Variants in KIAA1614 observed in about 807,000 individuals in gnomAD.
The protein encoded by KIAA1614 is KIAA1614.
In KIAA1614, 76 loss-of-function variants were observed where a neutral mutation model predicts 88.7. The ratio of observed to expected loss-of-function variants is 0.86; its 90% CI spans 0.71 to 1.04. KIAA1614 has a LOEUF of 1.04. Ranked by LOEUF, KIAA1614 falls within the 50% of genes least tolerant of loss-of-function variation. The probability of loss-of-function intolerance (pLI) is 0.00; values close to 1 mark genes in which losing one functional copy is unlikely to be tolerated. For synonymous variants in KIAA1614, 714 were observed against 675.5 expected, an observed-to-expected ratio of 1.06 and a Z score of -0.88; for missense variants, 1,553 against 1,582.5, an observed-to-expected ratio of 0.98 and a Z score of 0.32.
chr1:180,949,896 C>T lies in KIAA1614; in HGVS notation c.*4308C>T, dbSNP rs1481574119. 1 of 152,254 alleles carries T rather than the reference C, an allele frequency of 6.6e-6. No homozygotes were observed. Among genetic ancestry groups the T allele is most frequent in the African/African-American group, 2.4e-5 (1 of 41,442 alleles). 9.4% of individuals were successfully genotyped at this position (152,254 alleles called of 1,614,324 possible). ...CACCACCCCGGCCTTTACGCTGGGC[C>T]TGGGTGACCTGAGGCAGCAACTGGA... On this transcript the variant is annotated 3_prime_UTR_variant, in exon 9 of 9. Transcript: ENST00000367588.
rs767800849 is a variant in KIAA1614 at position 180,945,373 on chromosome 1, G to A, written c.3358G>A (p.Val1120Met). The A allele has an allele frequency of 2.2e-5, 35 of 1,598,672 alleles. No homozygotes were observed. The highest frequency in any genetic ancestry group is 9.0e-5 in the Admixed American group (5 of 55,666). The change falls in exon 9 of 9, where the codon GTG (valine) becomes ATG (methionine). Residue 1120 changes from valine to methionine, a missense_variant. Val to Met is a conservative substitution (Grantham distance 21). Transcript: ENST00000367588. ...GGGTGCTCCCAGCCTGGCTCGCACC[G>A]TGGGCCGCCTGGTGGAGGTGTTCCC... ...DVGAPSLART[V>M]GRLVEVFPDG... is the part of the protein sequence containing the mutation.
intron 1 of KIAA1614, chr1:180,914,084 G>A (rs894428734): frequency 6.6e-6 from 1 of 151,672 alleles, no homozygotes; most frequent in African/African-American, 2.4e-5. Flanking sequence ...TACTTGGTCC[G>A]TGTTACGAAG....
intron 1 of KIAA1614, among the ~76,000 whole-genome samples, chr1:180,915,217 C>A (rs1227353655): frequency 6.6e-6 from 1 of 152,250 alleles, no homozygotes; most frequent in Non-Finnish European, 1.5e-5. Flanking sequence ...TGGTCAAGGT[C>A]TCCCTTTGAG....
rs908767728 is a variant in KIAA1614, at chr1:180,935,436, G to A, written c.1527G>A (p.Gln509=). 2.0e-6 allele frequency: 3 copies of A among 1,479,278 alleles called. No homozygotes were observed. The highest frequency in any genetic ancestry group is 2.7e-6 in the Non-Finnish European group (3 of 1,121,470). The allele number at this position is 1,479,278 out of a possible 1,614,324, so 91.6% of individuals were successfully genotyped here. A position where few individuals can be genotyped will look rare whatever the true frequency, so the allele number is the denominator to read the frequency against. Reference sequence around the variant, plus strand: ...CTCCCCGGCTCCGGGACGCGGGGCAGGGGACATTCCACAGGCTTGTGGGCA... The same window carrying A: ...CTCCCCGGCTCCGGGACGCGGGGCAAGGGACATTCCACAGGCTTGTGGGCA... ...NGAPRLRDAG[Q]GTFHRLVGSL... is the part of the protein sequence containing the mutation. The change falls in exon 5 of 9, where the codon CAG becomes CAA. Residue 509 remains glutamine (Q), a synonymous_variant. Coordinates refer to ENST00000367588, the MANE Select transcript of KIAA1614 (RefSeq NM_020950.2). The surrounding 1 kb of genome is among the most constrained non-coding windows in gnomAD (Gnocchi z 6.1).
intron 6 of KIAA1614, among the ~76,000 whole-genome samples, chr1:180,939,116 G>A (rs1357220047): frequency 1.3e-5 from 2 of 152,204 alleles, no homozygotes; most frequent in African/African-American, 2.4e-5. Context: ...GAGCTGGGGG[G>A]AGAAGGGGGG....
intron 7 of KIAA1614, among the ~76,000 whole-genome samples, chr1:180,943,592 A>G (rs936232660): frequency 1.0e-4 from 11 of 107,474 alleles, no homozygotes; most frequent in Non-Finnish European, 1.9e-4. Flanking sequence ...TCTGTCACTC[A>G]GGTTGGAGTG....
rs770734817 is a variant in KIAA1614 at position 180,916,776 on chromosome 1, G to C, written c.673G>C (p.Gly225Arg). 1 of 1,614,118 alleles carries C rather than the reference G, an allele frequency of 6.2e-7. No individual in the cohort carries two copies. Among genetic ancestry groups the C allele is most frequent in the African/African-American group, 1.3e-5 (1 of 74,950 alleles). ...TACTCCCGGACGGCCTGGGGGTCCT[G>C]GTCATTGTAACAAAATCATCCACAT... is the stretch of plus-strand genomic sequence containing the variant. ...GVTPGRPGGP[G>R]HCNKIIHIPS... The change falls in exon 2 of 9, where the codon GGT becomes CGT. Residue 225 changes from glycine (G) to arginine (R), a missense_variant. Coordinates refer to ENST00000367588, the MANE Select transcript of KIAA1614 (RefSeq NM_020950.2).
In KIAA1614 at chr1:180,936,647, C is replaced by T. The variant is rs746230529; in HGVS notation, c.2738C>T (p.Pro913Leu). The T allele has an allele frequency of 9.0e-6, 14 of 1,558,826 alleles. 1 individual carries two copies. The highest frequency in any genetic ancestry group is 3.8e-5 in the Admixed American group (2 of 52,888). Residue 913 changes from proline to leucine, a missense_variant, in exon 5 of 9, where the codon CCG (proline) becomes CTG (leucine). Pro to Leu is a moderately conservative substitution (Grantham distance 98). Coordinates refer to ENST00000367588, the MANE Select transcript of KIAA1614 (RefSeq NM_020950.2). ...GGCCCCTGCAGCCGGGAACCGGAGC[C>T]GCCCCTGGAGAACAGCAGAGATGGT... ...ERGPCSREPE[P>L]PLENSRDGGP... is the part of the protein sequence containing the mutation.
chr1:180,921,882 C>G (rs554180820), intron 3 of KIAA1614, among the ~76,000 whole-genome samples: 74 of 152,326 alleles, frequency 4.9e-4, no homozygotes, highest in Middle Eastern at 6.8e-3. Flanking sequence ...TCTCTCTGTA[C>G]CAGCTCTGGC....
Position 180,935,418 on chromosome 1 carries a change from G to T in KIAA1614, c.1509G>T (p.Arg503=). 1 of 1,472,498 alleles carries T rather than the reference G, an allele frequency of 6.8e-7. No homozygotes were observed. The highest frequency in any genetic ancestry group is 8.9e-7 in the Non-Finnish European group (1 of 1,118,378). 91.2% of individuals were successfully genotyped at this position (1,472,498 alleles called of 1,614,324 possible). A position where few individuals can be genotyped will look rare whatever the true frequency, so the allele number is the denominator to read the frequency against. The change falls in exon 5 of 9, where the codon CGG becomes CGT. Residue 503 remains arginine, a synonymous_variant. Transcript: ENST00000367588. The surrounding 1 kb of genome is among the most constrained non-coding windows in gnomAD (Gnocchi z 6.1). ...DLADYINGAP[R]LRDAGQGTFH... is the part of the protein sequence containing the mutation. ...CCGACTACATCAACGGGGCTCCCCG[G>T]CTCCGGGACGCGGGGCAGGGGACAT...
At position 180,945,876 on chromosome 1, in the gene KIAA1614, G is replaced by A. The variant is rs994456017; in HGVS notation, c.*288G>A. On this transcript the variant is annotated 3_prime_UTR_variant, in exon 9 of 9. Transcript: ENST00000367588. Reference sequence around the variant, plus strand: ...TCCCAGAACTTTGGGAGGCCGAGGCGCCTGGATCACCTGAGGTCAGGAGTT... The same window carrying A: ...TCCCAGAACTTTGGGAGGCCGAGGCACCTGGATCACCTGAGGTCAGGAGTT... 1.8e-5 allele frequency: 19 copies of A among 1,057,754 alleles called. No individual in the cohort carries two copies. The highest frequency in any genetic ancestry group is 1.5e-4 in the Admixed American group (3 of 19,802). The allele number at this position is 1,057,754 out of a possible 1,614,324, so 65.5% of individuals were successfully genotyped here.
chr1:180,936,007 ACT>A lies in KIAA1614; in HGVS notation c.2101_2102del (p.Leu701IlefsTer10), dbSNP rs1184707045. Reference protein sequence around the residue: ...KEGRGHTPEGTLFLREDAKPP... With the variant: ...KEGRGHTPEGXLFLREDAKPP... ...GGGCAGAGGACACACGCCTGAAGGA[ACT>A]CTATTTTTGAGAGAAGATGCCAAGC... On this transcript the variant is annotated frameshift_variant, in exon 5 of 9. Transcript: ENST00000367588. LOFTEE classifies it high-confidence loss of function. The A allele has an allele frequency of 6.2e-7, 1 of 1,613,848 alleles. No homozygotes were observed. The highest frequency in any genetic ancestry group is 1.1e-5 in the South Asian group (1 of 91,072).
Position 180,936,447 on chromosome 1 carries a change from T to C in KIAA1614, c.2538T>C (p.Pro846=). ...QTEPVGIPRP[P]SRSAVLRTCE... is the part of the protein sequence containing the mutation. ...AGCCTGTGGGTATCCCTCGGCCTCCTTCAAGAAGCGCGGTTCTCAGGACCT... is the reference window on the plus strand; with the variant it reads ...AGCCTGTGGGTATCCCTCGGCCTCCCTCAAGAAGCGCGGTTCTCAGGACCT... The change falls in exon 5 of 9, where the codon CCT becomes CCC. Residue 846 remains proline (P), a synonymous_variant. Coordinates refer to ENST00000367588, the MANE Select transcript of KIAA1614 (RefSeq NM_020950.2). The C allele has an allele frequency of 1.9e-6, 3 of 1,614,096 alleles. No individual in the cohort carries two copies. The highest frequency in any genetic ancestry group is 2.5e-6 in the Non-Finnish European group (3 of 1,179,966).
intron 2 of KIAA1614, among the ~76,000 whole-genome samples, chr1:180,917,342 C>A (rs752918210): frequency 4.6e-5 from 7 of 152,182 alleles, no homozygotes; most frequent in Admixed American, 1.3e-4. Context: ...TAGGAGGCCA[C>A]CCTGCGTGCT....
At chr1:180,915,376 G>A (rs2102252042) in intron 1 of KIAA1614, among the ~76,000 whole-genome samples, 1 of 152,292 alleles carries the variant, frequency 6.6e-6, no homozygotes. Context: ...GGAAGAGCAT[G>A]TTGCCTGTTA....
Position 180,938,585 on chromosome 1 carries a change from A to G in KIAA1614, c.2792A>G (p.Asp931Gly). ...CCCCAGGGCTTTCTTGGCTCAGCAG[A>G]TGTTGCCACCATCAACTCCACGGGC... ...GGPQGFLGSA[D>G]VATINSTGIT... The change falls in exon 6 of 9, where the codon GAT becomes GGT. Residue 931 changes from aspartate to glycine, a missense_variant. Physicochemically the swap from Asp to Gly is moderately conservative, Grantham distance 94. Coordinates refer to ENST00000367588, the MANE Select transcript of KIAA1614 (RefSeq NM_020950.2). The G allele has an allele frequency of 6.2e-7, 1 of 1,614,082 alleles. No individual in the cohort carries two copies. The highest frequency in any genetic ancestry group is 2.2e-5 in the East Asian group (1 of 44,880).
At chr1:180,925,222 T>C (rs1274585941) in intron 3 of KIAA1614, among the ~76,000 whole-genome samples, 1 of 152,226 alleles carries the variant, frequency 6.6e-6, no homozygotes, top group Non-Finnish European at 1.5e-5. Flanking sequence ...CCTGCCCTCA[T>C]GGAGCACATG....
chr1:180,940,766 G>A (rs1654441569), intron 6 of KIAA1614, among the ~76,000 whole-genome samples: 1 of 149,934 alleles, frequency 6.7e-6, no homozygotes, highest in Non-Finnish European at 1.5e-5. Context: ...CAGGTTGAGT[G>A]CAGTGGCGTG....
At chr1:180,933,830 C>A (rs1306739987) in intron 4 of KIAA1614, among the ~76,000 whole-genome samples, 1 of 152,138 alleles carries the variant, frequency 6.6e-6, no homozygotes, top group Non-Finnish European at 1.5e-5. Flanking sequence ...AGGGACAGTG[C>A]CTGGAGTGGG....
Sources: gnomAD v4.1 joint callset for allele counts (sites outside exome capture counted in the v4.1 genomes callset) on GRCh38, gnomAD v4.1.1 for gene constraint, Gnocchi (gnomAD v3.1) non-coding constraint, MANE v1.5 for transcripts, NCBI Gene and HGNC (gene_info 2026-07-23, HGNC 2026-07-21) for gene names.